ZRANB2: variants seen among roughly 807,000 people sequenced by gnomAD.
ZRANB2 encodes zinc finger Ran-binding domain-containing protein 2.
A neutral mutation model predicts 53.4 loss-of-function variants in ZRANB2; 19 were observed. The observed-to-expected ratio is 0.36, with a 90% CI of 0.25 to 0.52. The LOEUF is 0.52. Among genes scored for constraint, ZRANB2 ranks in the 20% least tolerant of loss-of-function variants. The probability of loss-of-function intolerance (pLI) is 0.93; values close to 1 mark genes in which losing one functional copy is unlikely to be tolerated. For missense variants in ZRANB2, 309 were observed against 401.1 expected (o/e 0.77, Z 1.96); for synonymous variants, 145 against 134.8 (o/e 1.08, Z -0.52).
At chr1:71,079,346 A>G (rs1661782866) in intron 1 of ZRANB2, among the ~76,000 whole-genome samples, 1 of 152,202 alleles carries the variant, frequency 6.6e-6, no homozygotes, top group Non-Finnish European at 1.5e-5. Flanking sequence ...CTTTATGCTT[A>G]TACTCAACAA....
At chr1:71,065,488 C>T (rs1661404579) in intron 9 of ZRANB2, among the ~76,000 whole-genome samples, 1 of 152,034 alleles carries the variant, frequency 6.6e-6, no homozygotes, top group Non-Finnish European at 1.5e-5. Flanking sequence ...GGAAGTGTGA[C>T]TAAACCAATC....
chr1:71,073,037 C>T (rs531319640), intron 4 of ZRANB2, among the ~76,000 whole-genome samples: 2 of 152,164 alleles, frequency 1.3e-5, no homozygotes, highest in South Asian at 4.1e-4. Context: ...CACAGACAAA[C>T]ACAATAACAC....
chr1:71,078,356 C>A, intron 3 of ZRANB2, 101 bp downstream of exon 3: 1 of 953,250 alleles, frequency 1.0e-6, no homozygotes, highest in South Asian at 1.6e-5. Flanking sequence ...AAAAGGTTAC[C>A]CTGGCTTGTC....
At chr1:71,070,315 G>A (rs1038313266) in intron 7 of ZRANB2, among the ~76,000 whole-genome samples, 4 of 151,934 alleles carry the variant, frequency 2.6e-5, no homozygotes, top group Non-Finnish European at 5.9e-5. Flanking sequence ...TTTAGTTTAC[G>A]CCTGGACTTC....
At chr1:71,071,142 C>T (rs1392412332) in intron 6 of ZRANB2, 146 bp from the exon 7 acceptor site, 1 of 650,046 alleles carries the variant, frequency 1.5e-6, no homozygotes, top group African/African-American at 1.9e-5. Context: ...AATTCACCTA[C>T]TAAACTCATC....
intron 8 of ZRANB2, 32 bp from the exon 9 acceptor site, chr1:71,066,966 C>T (rs952149387): frequency 6.5e-7 from 1 of 1,532,012 alleles, no homozygotes; most frequent in Non-Finnish European, 8.8e-7. Flanking sequence ...TCAAACATTT[C>T]ATTAAAAGAA....
chr1:71,066,990 TTA>T, intron 8 of ZRANB2, 56 bp from the exon 9 acceptor site: 1 of 1,485,744 alleles, frequency 6.7e-7, no homozygotes, highest in East Asian at 2.4e-5. Flanking sequence ...ATAAGGAAGA[TTA>T]TTTAGTTATC....
chr1:71,067,018 T>A, intron 8 of ZRANB2, 84 bp from the exon 9 acceptor site: 2 of 1,336,012 alleles, frequency 1.5e-6, no homozygotes, highest in Admixed American at 5.9e-5. Flanking sequence ...GCTCCAAAAA[T>A]AAACAGGATT....
intron 4 of ZRANB2, 142 bp from the exon 5 acceptor site, chr1:71,072,690 G>A (rs1661620360): frequency 2.5e-5 from 15 of 600,742 alleles, no homozygotes; most frequent in South Asian, 2.2e-4. Flanking sequence ...TCTTTAGAAA[G>A]CATATTAGAA....
chr1:71,075,502 G>A (rs1419163384), intron 4 of ZRANB2, among the ~76,000 whole-genome samples: 3 of 152,138 alleles, frequency 2.0e-5, no homozygotes, highest in African/African-American at 7.2e-5. Context: ...GTCTGAGCTG[G>A]AGACATAAAC....
chr1:71,067,445 T>C, intron 8 of ZRANB2: 1 of 290,768 alleles, frequency 3.4e-6, no homozygotes, highest in South Asian at 3.1e-5. Context: ...ACTTAACTGC[T>C]AAATATTCAA....
chr1:71,070,964 T>C lies in ZRANB2; in HGVS notation c.546A>G (p.Lys182=). 1.2e-6 allele frequency: 2 copies of C among 1,604,534 alleles called. No individual in the cohort carries two copies. The highest frequency in any genetic ancestry group is 1.7e-5 in the Admixed American group (1 of 58,214). Residue 182 remains lysine (K), a synonymous_variant, in exon 7 of 10, where the codon AAA becomes AAG. Transcript: ENST00000370920. ...DEDEDDADLS[K]YNLDASEEED... is the part of the protein sequence containing the mutation. ...CTTCTTCACTGGCATCAAGATTATA[T>C]TTTGAGAGATCAGCGTCATCTTCAT... is the stretch of plus-strand genomic sequence containing the variant.
At chr1:71,080,300 G>A (rs1339715264) in intron 1 of ZRANB2, among the ~76,000 whole-genome samples, 1 of 152,110 alleles carries the variant, frequency 6.6e-6, no homozygotes, top group East Asian at 1.9e-4. Context: ...CTTCTCTGCT[G>A]CAGGCATCTT....
chr1:71,073,690 A>C (rs1197585761), intron 4 of ZRANB2, among the ~76,000 whole-genome samples: 1 of 152,078 alleles, frequency 6.6e-6, no homozygotes, highest in African/African-American at 2.4e-5. Flanking sequence ...AAAACTGAAA[A>C]GTAATATGAC....
At position 71,063,805 on chromosome 1, in the gene ZRANB2, T is replaced by C. The variant is rs918711754; in HGVS notation, c.*1269A>G. On this transcript the variant is annotated 3_prime_UTR_variant, in exon 10 of 10. Coordinates refer to ENST00000370920, the MANE Select transcript of ZRANB2 (RefSeq NM_203350.3). ...TTTTGTTTGGTTTGTCTATGAAATA[T>C]CTTAAAATGTCGTAATTTTTATTTA... 5.2e-5 allele frequency: 8 copies of C among 152,520 alleles called. No homozygotes were observed. The highest frequency in any genetic ancestry group is 3.4e-3 in the Middle Eastern group (1 of 294). The allele number at this position is 152,520 out of a possible 1,614,324, so 9.4% of individuals were successfully genotyped here.
chr1:71,067,465 A>T (rs1661473227), intron 8 of ZRANB2: 1 of 286,336 alleles, frequency 3.5e-6, no homozygotes, highest in African/African-American at 2.4e-5. Flanking sequence ...AGAAGAAATA[A>T]AAACTAACTT....
In ZRANB2 at chr1:71,063,330, C is replaced by T. The variant is rs913327194; in HGVS notation, c.*1744G>A. On this transcript the variant is annotated 3_prime_UTR_variant, in exon 10 of 10. Coordinates refer to ENST00000370920, the MANE Select transcript of ZRANB2 (RefSeq NM_203350.3). The stretch of plus-strand genomic sequence containing the variant: ...TCTCTAGTTTATTTCTAACAAACAC[C>T]ACTTGATGCTTGACTCACAGGCTTT... 6.6e-6 allele frequency: 1 copy of T among 152,262 alleles called. No individual in the cohort carries two copies. Among genetic ancestry groups the T allele is most frequent in the African/African-American group, 2.4e-5 (1 of 41,400 alleles). 9.4% of individuals were successfully genotyped at this position (152,262 alleles called of 1,614,324 possible).
At chr1:71,065,875 C>G (rs748569960) in intron 9 of ZRANB2, 92 of 1,415,816 alleles carry the variant, frequency 6.5e-5, no homozygotes, top group Non-Finnish European at 8.4e-5. Flanking sequence ...CACTCAAAAA[C>G]AGAGTAATTT....
At chr1:71,065,160 T>A in intron 9 of ZRANB2, 23 bp from the exon 10 acceptor site, 1 of 1,570,962 alleles carries the variant, frequency 6.4e-7, no homozygotes, top group Non-Finnish European at 8.7e-7. Context: ...ATGGAGAGAG[T>A]AGGCATTCTA....
Sources: allele counts gnomAD v4.1 joint callset (sites outside exome capture counted in the v4.1 genomes callset), GRCh38; gene constraint gnomAD v4.1.1; transcripts MANE v1.5; gene names NCBI Gene and HGNC (gene_info 2026-07-23, HGNC 2026-07-21).